Variants in SRRM3 observed in about 807,000 individuals in gnomAD.
The protein encoded by SRRM3 is serine/arginine repetitive matrix protein 3.
In SRRM3, 27 loss-of-function variants were observed where a neutral mutation model predicts 66.2. That is an observed-to-expected ratio of 0.41 (90% CI 0.30 to 0.56). The LOEUF is 0.56. SRRM3 is among the 20% of genes least tolerant of loss of function. SRRM3 has a pLI of 0.32. For synonymous variants in SRRM3, 391 were observed against 414.9 expected (o/e 0.94, Z 0.70); for missense variants, 918 against 991.9 (o/e 0.93, Z 1.00).
At chr7:76,278,139 A>G (rs1802404958) in intron 11 of SRRM3, among the ~76,000 whole-genome samples, 1 of 152,054 alleles carries the variant, frequency 6.6e-6, no homozygotes, top group South Asian at 2.1e-4. Flanking sequence ...TGGGGGGAGT[A>G]TGTGTTAGGG....
chr7:76,221,054 G>A (rs1289019259), intron 1 of SRRM3, among the ~76,000 whole-genome samples: 2 of 148,242 alleles, frequency 1.3e-5, no homozygotes, highest in African/African-American at 2.5e-5. Context: ...CTTCTTACCC[G>A]TCTTTTTTTT....
rs1056252114 is a variant in SRRM3 at position 76,249,067 on chromosome 7, A to G, written c.335+778A>G. 3.9e-5 allele frequency among the ~76,000 whole-genome samples: 6 copies of G among 152,176 alleles called. No individual in the cohort carries two copies. The East Asian group carries it at 1.2e-3, about 29-fold the overall frequency. On this transcript the variant is annotated intron_variant, in intron 3 of 14. Coordinates refer to ENST00000611745, the MANE Select transcript of SRRM3 (RefSeq NM_001110199.3). Reference sequence around the variant, plus strand: ...AGCCCACACACCAAATCCCACTGCTACCATGACCAATGGCTTGGTGGCTAA... The same window carrying G: ...AGCCCACACACCAAATCCCACTGCTGCCATGACCAATGGCTTGGTGGCTAA...
At chr7:76,226,030 C>T (rs1554603710) in intron 1 of SRRM3, among the ~76,000 whole-genome samples, 1 of 152,180 alleles carries the variant, frequency 6.6e-6, no homozygotes. Context: ...AGCCCATTCC[C>T]TCTCCCCCAG....
intron 1 of SRRM3, among the ~76,000 whole-genome samples, chr7:76,220,632 C>T (rs995305494): frequency 6.6e-6 from 1 of 152,200 alleles, no homozygotes; most frequent in Non-Finnish European, 1.5e-5. Context: ...CAGCCCGAGT[C>T]CTGCCCAGGC....
In SRRM3 at chr7:76,260,054, G is replaced by A. The variant is rs1455474362; in HGVS notation, c.464+20G>A. ...GTACAGGTCAGCGGCCGCCGCGGCG[G>A]GGGTGGGGGGCGCGCGGGGCTGCCC... On this transcript the variant is annotated intron_variant, in intron 4 of 14. Coordinates refer to ENST00000611745, the MANE Select transcript of SRRM3 (RefSeq NM_001110199.3). The A allele has an allele frequency of 2.0e-6, 3 of 1,485,280 alleles. No individual in the cohort carries two copies. In the East Asian group the frequency reaches 7.9e-5, roughly 39 times the overall value. 92.0% of individuals were successfully genotyped at this position (1,485,280 alleles called of 1,614,324 possible).
chr7:76,273,542 G>A (rs967904258), intron 11 of SRRM3: 5 of 152,156 alleles, frequency 3.3e-5, no homozygotes, highest in African/African-American at 7.2e-5. Context: ...TTCCCAATGC[G>A]GAGACCTTCT....
At chr7:76,274,937 C>T (rs1802303887) in intron 11 of SRRM3, among the ~76,000 whole-genome samples, 1 of 152,088 alleles carries the variant, frequency 6.6e-6, no homozygotes, top group Non-Finnish European at 1.5e-5. Flanking sequence ...AAAACCCCAT[C>T]TCTACTAAAA....
chr7:76,255,293 G>C (rs1801686921), intron 3 of SRRM3, among the ~76,000 whole-genome samples: 1 of 151,670 alleles, frequency 6.6e-6, no homozygotes, highest in Non-Finnish European at 1.5e-5. Flanking sequence ...GGGATTACAG[G>C]CATGTGCCAC....
intron 1 of SRRM3, among the ~76,000 whole-genome samples, chr7:76,212,091 T>C (rs894340763): frequency 2.7e-5 from 4 of 150,092 alleles, no homozygotes; most frequent in Non-Finnish European, 4.4e-5. Context: ...TGGCCTCAAG[T>C]GATTCTCCCA....
chr7:76,273,952 G>A (rs985903375), intron 11 of SRRM3, among the ~76,000 whole-genome samples: 8 of 152,006 alleles, frequency 5.3e-5, no homozygotes, highest in African/African-American at 1.5e-4. Flanking sequence ...TCTGTTGTCC[G>A]AATGCATTTC....
chr7:76,215,567 AT>A (rs1800542874), intron 1 of SRRM3, among the ~76,000 whole-genome samples: 1 of 148,702 alleles, frequency 6.7e-6, no homozygotes, highest in Non-Finnish European at 1.5e-5. Context: ...ACACTGGCTA[AT>A]TTTTTTATTA....
chr7:76,254,341 G>A (rs1801653478), intron 3 of SRRM3, among the ~76,000 whole-genome samples: 1 of 152,044 alleles, frequency 6.6e-6, no homozygotes, highest in Non-Finnish European at 1.5e-5. Flanking sequence ...GTTTTGAGAT[G>A]GAGTTTCGCT....
chr7:76,271,800 C>A (rs1583934045), intron 11 of SRRM3, among the ~76,000 whole-genome samples: 1 of 152,168 alleles, frequency 6.6e-6, no homozygotes, highest in Non-Finnish European at 1.5e-5. Flanking sequence ...TGACTCAGCT[C>A]CTGCTTTCCC....
At chr7:76,244,412 C>G (rs1801385203) in intron 2 of SRRM3, among the ~76,000 whole-genome samples, 3 of 151,756 alleles carry the variant, frequency 2.0e-5, no homozygotes, top group African/African-American at 7.3e-5. Flanking sequence ...GTAGTCCCAG[C>G]TACCCGGGAA....
chr7:76,279,998 A>C (rs1164579713), intron 11 of SRRM3, among the ~76,000 whole-genome samples: 1 of 151,944 alleles, frequency 6.6e-6, no homozygotes, highest in Non-Finnish European at 1.5e-5. Context: ...TGTGAATCTA[A>C]TGATGAACTT....
At chr7:76,225,580 C>T (rs1270123258) in intron 1 of SRRM3, among the ~76,000 whole-genome samples, 1 of 151,506 alleles carries the variant, frequency 6.6e-6, no homozygotes, top group East Asian at 2.0e-4. Context: ...AGGACTGCGA[C>T]GCTGCCAGAG....
intron 3 of SRRM3, among the ~76,000 whole-genome samples, chr7:76,253,449 G>A (rs1563627220): frequency 2.0e-5 from 3 of 151,400 alleles, no homozygotes; most frequent in Non-Finnish European, 4.4e-5. Context: ...GTGAAACCCC[G>A]TCTCTACTAA....
chr7:76,219,165 C>G (rs1209251063), intron 1 of SRRM3, among the ~76,000 whole-genome samples: 1 of 152,136 alleles, frequency 6.6e-6, no homozygotes, highest in Non-Finnish European at 1.5e-5. Context: ...CTTTCAGTAG[C>G]CAGTGTTGCT....
At chr7:76,237,016 G>A (rs932281115) in intron 2 of SRRM3, among the ~76,000 whole-genome samples, 5 of 152,120 alleles carry the variant, frequency 3.3e-5, no homozygotes, top group African/African-American at 4.8e-5. Context: ...CGTGGCTCCC[G>A]GCACTTTGGG....
Sources: gnomAD v4.1 joint callset for allele counts (sites outside exome capture counted in the v4.1 genomes callset) on GRCh38, gnomAD v4.1.1 for gene constraint, MANE v1.5 for transcripts, NCBI Gene and HGNC (gene_info 2026-07-23, HGNC 2026-07-21) for gene names.